The following RAD51C variants were observed in gnomAD, a reference collection of about 807,000 sequenced individuals.
RAD51C encodes the protein RAD51 paralog C, also known as DNA repair protein RAD51 homolog 3.
In RAD51C, 42 loss-of-function variants were observed where a neutral mutation model predicts 45.0. That is an observed-to-expected ratio of 0.93 (90% CI 0.73 to 1.21). The LOEUF (loss-of-function observed/expected upper bound fraction) is 1.21, where lower values mean the gene tolerates loss of function less well. Among genes scored for constraint, RAD51C ranks in the 50% most tolerant of loss-of-function variants. The pLI is 0.00. For synonymous variants in RAD51C, 172 were observed against 159.8 expected (o/e 1.08, Z -0.58); for missense variants, 474 against 452.2 (o/e 1.05, Z -0.44).
At chr17:58,696,511 A>G (rs568432189) in intron 2 of RAD51C, among the ~76,000 whole-genome samples, 182 bp from the exon 3 acceptor site, 2 of 152,354 alleles carry the variant, frequency 1.3e-5, no homozygotes, top group East Asian at 1.9e-4. Context: ...GTTGATTTAC[A>G]TATAGTCGAT....
chr17:58,720,079 A>C (rs1490308822), intron 5 of RAD51C, among the ~76,000 whole-genome samples: 2 of 149,204 alleles, frequency 1.3e-5, no homozygotes, highest in South Asian at 2.1e-4. Flanking sequence ...AATTTGTATT[A>C]CTTAAATGGC....
At position 58,703,465 on chromosome 17, in the gene RAD51C, C is replaced by T. The variant is rs2048280918; in HGVS notation, c.705+136C>T. The T allele has an allele frequency of 4.7e-6, 4 of 855,882 alleles. No homozygotes were observed. The South Asian group carries it at 5.1e-5, about 11-fold the overall frequency. 53.0% of individuals were successfully genotyped at this position (855,882 alleles called of 1,614,324 possible). On this transcript the variant is annotated intron_variant, in intron 4 of 8. Coordinates refer to ENST00000337432, the MANE Select transcript of RAD51C (RefSeq NM_058216.3). ...GAAAATCTCTTCCTTCCTTGACCTA[C>T]AATTTATTTATATTTATATTTGTTT...
chr17:58,723,222 T>C (rs1390701418), intron 6 of RAD51C, among the ~76,000 whole-genome samples: 1 of 152,166 alleles, frequency 6.6e-6, no homozygotes, highest in East Asian at 1.9e-4. Flanking sequence ...TCACAAATTA[T>C]ATCCACCTTT....
In RAD51C at chr17:58,696,780, T is replaced by G. The variant is rs573992101; in HGVS notation, c.492T>G (p.Phe164Leu). The G allele has an allele frequency of 2.0e-5, 32 of 1,614,210 alleles. No individual in the cohort carries two copies. In the Admixed American group the frequency reaches 4.0e-4, roughly 20 times the overall value. The change falls in exon 3 of 9, where the codon TTT becomes TTG. Residue 164 changes from phenylalanine (F) to leucine (L), a missense_variant. Physicochemically the swap from Phe to Leu is conservative, Grantham distance 22. Coordinates refer to ENST00000337432, the MANE Select transcript of RAD51C (RefSeq NM_058216.3). ...TTTTTATTGATACAGAGGGAAGTTT[T>G]ATGGTTGATAGAGTGGTAGACCTTG... ...EAVFIDTEGS[F>L]MVDRVVDLAT...
rs184184551 is a variant in RAD51C at position 58,728,897 on chromosome 17, A to G, written c.966-3587A>G. Among the ~76,000 whole-genome samples, 286 of 152,296 alleles carry G rather than the reference A, an allele frequency of 1.9e-3. 1 individual carries two copies. The highest frequency in any genetic ancestry group is 6.7e-3 in the African/African-American group (279 of 41,554). ...ATGTGAGTTTTCCTCCAATTTGCAT[A>G]TTCATGGTTATATGAGGCCAAGATT... On this transcript the variant is annotated intron_variant, in intron 7 of 8. Transcript: ENST00000337432.
intron 5 of RAD51C, among the ~76,000 whole-genome samples, chr17:58,711,706 C>T (rs1212467354): frequency 6.6e-6 from 1 of 151,704 alleles, no homozygotes; most frequent in Non-Finnish European, 1.5e-5. Flanking sequence ...TGGGCTCAAG[C>T]GATCATCTGC....
intron 5 of RAD51C, among the ~76,000 whole-genome samples, chr17:58,718,744 G>A (rs1321201270): frequency 2.6e-5 from 4 of 151,630 alleles, no homozygotes; most frequent in African/African-American, 7.3e-5. Context: ...TACTTATATT[G>A]TACCTTCTTT....
At chr17:58,706,642 C>A in intron 4 of RAD51C, 1 of 340,690 alleles carries the variant, frequency 2.9e-6, no homozygotes. Context: ...CTGTGATCCC[C>A]TTTGGCACCA....
rs1287394865 is a variant in RAD51C at position 58,696,554 on chromosome 17, T to TA, written c.405-138dup. ...CATTATATCTGGAGTCATGAAGAGT[T>TA]AGACATTTCTGTTGCCTTGGGGAGT... On this transcript the variant is annotated intron_variant, in intron 2 of 8. Coordinates refer to ENST00000337432, the MANE Select transcript of RAD51C (RefSeq NM_058216.3). 4.2e-6 allele frequency: 4 copies of TA among 963,330 alleles called. No homozygotes were observed. In the East Asian group the frequency reaches 1.0e-4, roughly 25 times the overall value. 59.7% of individuals were successfully genotyped at this position (963,330 alleles called of 1,614,324 possible). A position where few individuals can be genotyped will look rare whatever the true frequency, so the allele number is the denominator to read the frequency against.
At chr17:58,706,582 G>T (rs778190314) in intron 4 of RAD51C, 1 of 452,590 alleles carries the variant, frequency 2.2e-6, no homozygotes, top group Non-Finnish European at 4.6e-6. Flanking sequence ...AACCAAGGAC[G>T]ACATAGCATT....
intron 5 of RAD51C, among the ~76,000 whole-genome samples, chr17:58,714,585 A>G (rs2048667742): frequency 6.6e-6 from 1 of 152,074 alleles, no homozygotes; most frequent in Non-Finnish European, 1.5e-5. Flanking sequence ...CAGCCTCCCG[A>G]GTAGCTGGAA....
chr17:58,728,030 G>T (rs1317449218), intron 7 of RAD51C, among the ~76,000 whole-genome samples: 3 of 151,736 alleles, frequency 2.0e-5, no homozygotes, highest in Non-Finnish European at 4.4e-5. Context: ...ATCACCTGAG[G>T]TTGGGAGTTC....
intron 4 of RAD51C, among the ~76,000 whole-genome samples, chr17:58,708,701 TG>T (rs71143279): frequency 1.8e-4 from 27 of 151,336 alleles, no homozygotes; most frequent in Middle Eastern, 3.4e-3. Flanking sequence ...TTTTTTGCTT[TG>T]GGGGGGGCTT....
intron 2 of RAD51C, among the ~76,000 whole-genome samples, chr17:58,695,634 A>G (rs1197380118): frequency 1.3e-5 from 2 of 151,984 alleles, no homozygotes; most frequent in Non-Finnish European, 2.9e-5. Flanking sequence ...AAAAATGGAA[A>G]ATTAGCTGAG....
chr17:58,723,974 G>T (rs2143959707), intron 6 of RAD51C, 66 bp from the exon 7 acceptor site: 1 of 1,312,490 alleles, frequency 7.6e-7, no homozygotes, highest in Non-Finnish European at 1.1e-6. Flanking sequence ...TTGATCAGAG[G>T]CGTTCTGAGA....
In RAD51C at chr17:58,734,525, TCA is replaced by T; in HGVS notation, c.*305_*306del. On this transcript the variant is annotated 3_prime_UTR_variant, in exon 9 of 9. Coordinates refer to ENST00000337432, the MANE Select transcript of RAD51C (RefSeq NM_058216.3). ...TCTGAATTTACCATTCATACTGTTT[TCA>T]CCCCTTTCTTTCCCAGTTGCCTATA... 1 of 397,404 alleles carries T rather than the reference TCA, an allele frequency of 2.5e-6. No individual in the cohort carries two copies. Among genetic ancestry groups the T allele is most frequent in the East Asian group, 4.5e-5 (1 of 22,144 alleles). The allele number at this position is 397,404 out of a possible 1,614,324, so 24.6% of individuals were successfully genotyped here.
intron 1 of RAD51C, chr17:58,693,059 C>A (rs1240918029): frequency 1.3e-5 from 6 of 478,106 alleles, no homozygotes; most frequent in African/African-American, 3.9e-5. Flanking sequence ...CCTCAACCCG[C>A]TTACGTAGAT....
At chr17:58,711,653 A>G (rs1238642381) in intron 5 of RAD51C, among the ~76,000 whole-genome samples, 4 of 150,768 alleles carry the variant, frequency 2.7e-5, no homozygotes, top group East Asian at 1.9e-4. Context: ...TTTTGTAGAG[A>G]TGGGGTTTCA....
intron 5 of RAD51C, among the ~76,000 whole-genome samples, chr17:58,715,145 A>C (rs201933201): frequency 8.0e-4 from 89 of 110,792 alleles, no homozygotes; most frequent in African/African-American, 3.8e-3. Context: ...AAAAAAAAAC[A>C]AAAAAAAACA....
Sources: gnomAD v4.1 joint callset for allele counts (sites outside exome capture counted in the v4.1 genomes callset) on GRCh38, gnomAD v4.1.1 for gene constraint, MANE v1.5 for transcripts, NCBI Gene and HGNC (gene_info 2026-07-23, HGNC 2026-07-21) for gene names.